Variants in MYOCD observed in about 807,000 individuals in gnomAD.
MYOCD encodes myocardin.
A neutral mutation model predicts 96.1 loss-of-function variants in MYOCD; 32 were observed. The observed-to-expected ratio is 0.33, with a 90% confidence interval of 0.25 to 0.45. MYOCD has a LOEUF of 0.45. Ranked by LOEUF, MYOCD falls within the 20% of genes least tolerant of loss-of-function variation. The pLI, the probability that MYOCD is intolerant of heterozygous loss-of-function variation, is 1.00. For synonymous variants in MYOCD, 469 were observed against 469.0 expected, an observed-to-expected ratio of 1.00 and a Z score of 0.00; for missense variants, 1,133 against 1,200.6, an observed-to-expected ratio of 0.94 and a Z score of 0.83.
chr17:12,721,440 A>G (rs2031836185), intron 4 of MYOCD, among the ~76,000 whole-genome samples: 2 of 152,344 alleles, frequency 1.3e-5, no homozygotes, highest in East Asian at 3.9e-4. Flanking sequence ...ATCTATAAGA[A>G]CAGGAAGAGT....
intron 9 of MYOCD, among the ~76,000 whole-genome samples, chr17:12,750,073 G>C (rs938222975): frequency 6.6e-6 from 1 of 151,876 alleles, no homozygotes. Context: ...TCCTGACCTC[G>C]TGATCCGCCC....
intron 2 of MYOCD, among the ~76,000 whole-genome samples, chr17:12,709,430 C>CT (rs2031410671): frequency 6.6e-6 from 1 of 152,176 alleles, no homozygotes; most frequent in African/African-American, 2.4e-5. Context: ...CATCTCTTGA[C>CT]TTTTAGTCAA....
At chr17:12,757,886 A>T (rs2033057191) in intron 11 of MYOCD, among the ~76,000 whole-genome samples, 199 bp from the exon 12 acceptor site, 1 of 152,188 alleles carries the variant, frequency 6.6e-6, no homozygotes, top group African/African-American at 2.4e-5. Flanking sequence ...CAAGGTTGCC[A>T]TTCTAAGACG....
intron 5 of MYOCD, among the ~76,000 whole-genome samples, chr17:12,731,038 G>A (rs534854442): frequency 6.6e-6 from 1 of 152,342 alleles, no homozygotes; most frequent in Admixed American, 6.5e-5. Context: ...CCCAGAGCCA[G>A]TCCTGCGAGC....
intron 1 of MYOCD, among the ~76,000 whole-genome samples, chr17:12,683,579 A>C (rs774826839): frequency 6.6e-6 from 1 of 152,140 alleles, no homozygotes; most frequent in Non-Finnish European, 1.5e-5. Context: ...ACACACATAC[A>C]CATACACATA....
In MYOCD at chr17:12,763,637, A is replaced by C. The variant is rs1296492677; in HGVS notation, c.2954A>C (p.Gln985Pro). The C allele has an allele frequency of 6.2e-7, 1 of 1,608,434 alleles. No individual in the cohort carries two copies. Among genetic ancestry groups the C allele is most frequent in the African/African-American group, 1.3e-5 (1 of 74,922 alleles). ...TCTTCCATGGACCTTCACTTGCAGC[A>C]GTGGTAGAATGCCCAATGCACCAGT... ...LNSSMDLHLQ[Q>P]W The change falls in exon 14 of 14, where the codon CAG (glutamine) becomes CCG (proline). Residue 985 changes from glutamine to proline, a missense_variant. Gln to Pro is a moderately conservative substitution (Grantham distance 76, BLOSUM62 -1). Coordinates refer to ENST00000425538, the MANE Select transcript of MYOCD (RefSeq NM_001146312.3).
intron 5 of MYOCD, among the ~76,000 whole-genome samples, chr17:12,726,892 TC>T (rs1395789494): frequency 6.6e-6 from 1 of 152,208 alleles, no homozygotes; most frequent in African/African-American, 2.4e-5. Flanking sequence ...TGAGTTTTTT[TC>T]AATTTTGCCC....
Position 12,666,080 on chromosome 17 carries a change from G to C in MYOCD, c.-109G>C. The C allele has an allele frequency of 1.3e-6, 1 of 771,374 alleles. No homozygotes were observed. The highest frequency in any genetic ancestry group is 2.3e-6 in the Non-Finnish European group (1 of 443,872). The allele number at this position is 771,374 out of a possible 1,614,324, so 47.8% of individuals were successfully genotyped here. On this transcript the variant is annotated 5_prime_UTR_variant, in exon 1 of 14. Coordinates refer to ENST00000425538, the MANE Select transcript of MYOCD (RefSeq NM_001146312.3). ...TACCCAGGGGAGCTCACGGAGAGTT[G>C]GATGAATTCTGGGTTGTTAGCTGCG...
At position 12,739,533 on chromosome 17, in the gene MYOCD, A is replaced by G. The variant is rs80284507; in HGVS notation, c.717+205A>G. Among the ~76,000 whole-genome samples, 982 of 152,308 alleles carry G rather than the reference A, an allele frequency of 6.4e-3. 17 individuals carry two copies. The highest frequency in any genetic ancestry group is 0.038 in the East Asian group (195 of 5,168). On this transcript the variant is annotated intron_variant, in intron 7 of 13. Coordinates refer to ENST00000425538, the MANE Select transcript of MYOCD (RefSeq NM_001146312.3). ...CAGCACAGCAGAAGTCACCTCTGCC[A>G]CGGAGAAGGCTGTGGGTTTGCATTT...
intron 1 of MYOCD, among the ~76,000 whole-genome samples, chr17:12,687,741 G>A (rs1387760615): frequency 2.0e-5 from 3 of 152,074 alleles, no homozygotes; most frequent in Non-Finnish European, 4.4e-5. Flanking sequence ...AGCAAGTAGG[G>A]GGCACAAATA....
chr17:12,750,167 C>T (rs1397657259), intron 9 of MYOCD, among the ~76,000 whole-genome samples: 2 of 151,928 alleles, frequency 1.3e-5, no homozygotes, highest in African/African-American at 4.8e-5. Flanking sequence ...AAATTTCTGC[C>T]GTGAACATTT....
chr17:12,738,093 A>C (rs2032396836), intron 6 of MYOCD, among the ~76,000 whole-genome samples: 1 of 152,232 alleles, frequency 6.6e-6, no homozygotes. Context: ...GGAAAAGGCA[A>C]GTTCTTTTCT....
chr17:12,697,406 A>T (rs1336584385), intron 1 of MYOCD, among the ~76,000 whole-genome samples: 1 of 123,702 alleles, frequency 8.1e-6, no homozygotes, highest in Non-Finnish European at 1.6e-5. Context: ...TCTGTCGCCC[A>T]GGCTGGAGTG....
intron 11 of MYOCD, 87 bp downstream of exon 11, chr17:12,756,644 C>G: frequency 7.9e-7 from 1 of 1,267,880 alleles, no homozygotes; most frequent in Non-Finnish European, 1.1e-6. Flanking sequence ...TGCAGTGAGC[C>G]GAGATCGCAC....
rs11307445 is a variant in MYOCD, at chr17:12,756,695, C to CAAAAAAAA, written c.2202+150_2202+157dup. ...CAGGTGACAGAGCGAGACTGCATCT[C>CAAAAAAAA]AAAAAAAAAAAAAAAAAAAGAATAA... On this transcript the variant is annotated intron_variant, in intron 11 of 13. Transcript: ENST00000425538. 1.4e-3 allele frequency: 201 copies of CAAAAAAAA among 142,190 alleles called. 1 individual carries two copies. Among genetic ancestry groups the CAAAAAAAA allele is most frequent in the African/African-American group, 6.8e-3 (157 of 22,990 alleles). The allele number at this position is 142,190 out of a possible 1,614,324, so 8.8% of individuals were successfully genotyped here. A position where few individuals can be genotyped will look rare whatever the true frequency, so the allele number is the denominator to read the frequency against.
intron 5 of MYOCD, 27 bp downstream of exon 5, chr17:12,723,035 C>T (rs766873192): frequency 3.1e-6 from 5 of 1,603,010 alleles, no homozygotes; most frequent in Non-Finnish European, 2.6e-6. Context: ...GCATGTCTCT[C>T]CTTGGTGCTA....
At chr17:12,738,090 G>C (rs566962876) in intron 6 of MYOCD, among the ~76,000 whole-genome samples, 26 of 152,272 alleles carry the variant, frequency 1.7e-4, no homozygotes, top group African/African-American at 6.0e-4. Flanking sequence ...TGAGGAAAAG[G>C]CAAGTTCTTT....
At chr17:12,693,230 C>T (rs2030549442) in intron 1 of MYOCD, among the ~76,000 whole-genome samples, 2 of 152,122 alleles carry the variant, frequency 1.3e-5, no homozygotes, top group Admixed American at 1.3e-4. Context: ...GAACTTGCTA[C>T]TTGTTCCTGA....
intron 3 of MYOCD, 113 bp from the exon 4 acceptor site, chr17:12,717,233 C>A: frequency 1.3e-6 from 1 of 760,842 alleles, no homozygotes; most frequent in Non-Finnish European, 2.1e-6. Flanking sequence ...TGTGGGACAC[C>A]AAGAATATTT....
Sources: allele counts gnomAD v4.1 joint callset (sites outside exome capture counted in the v4.1 genomes callset), GRCh38; gene constraint gnomAD v4.1.1; transcripts MANE v1.5; gene names NCBI Gene and HGNC (gene_info 2026-07-23, HGNC 2026-07-21).